DNMT1: variants seen among roughly 807,000 people sequenced by gnomAD.
DNMT1 encodes the protein DNA (cytosine-5)-methyltransferase 1.
In DNMT1, 24 loss-of-function variants were observed where a neutral mutation model predicts 205.3. The ratio of observed to expected loss-of-function variants is 0.12; its 90% CI spans 0.08 to 0.16. DNMT1 has a LOEUF of 0.16. Among genes scored for constraint, DNMT1 ranks in the 10% least tolerant of loss-of-function variants. The probability of loss-of-function intolerance (pLI) is 1.00; values close to 1 mark genes in which losing one functional copy is unlikely to be tolerated. For synonymous variants in DNMT1, 817 were observed against 839.8 expected (o/e 0.97, Z 0.47); for missense variants, 1,293 against 2,177.7 (o/e 0.59, Z 8.09).
In DNMT1 at chr19:10,167,201, T is replaced by C. The variant is rs185935149; in HGVS notation, c.804-516A>G. ...AATTGTTTTCTTTTTCTTTTTTCCT[T>C]TTTTTTTTTCTTGAGGCAGAGTCTC... On this transcript the variant is annotated intron_variant, in intron 10 of 40. Coordinates refer to ENST00000359526, the MANE Select transcript of DNMT1 (RefSeq NM_001130823.3). Among the ~76,000 whole-genome samples, 52 of 150,142 alleles carry C rather than the reference T, an allele frequency of 3.5e-4. 1 individual carries two copies. Among genetic ancestry groups the C allele is most frequent in the Admixed American group, 3.3e-3 (49 of 15,048 alleles).
chr19:10,178,624 TGC>T (rs1336591317), intron 5 of DNMT1: 1 of 152,190 alleles, frequency 6.6e-6, no homozygotes, highest in African/African-American at 2.4e-5. Context: ...AGGCGTGGTG[TGC>T]GCCTGTAGTC....
At chr19:10,186,016 T>C (rs2039172295) in intron 1 of DNMT1, among the ~76,000 whole-genome samples, 1 of 151,976 alleles carries the variant, frequency 6.6e-6, no homozygotes, top group Non-Finnish European at 1.5e-5. Context: ...GCTGTGGTAA[T>C]AGCGTTACAC....
At chr19:10,162,573 T>C (rs2038590953) in intron 13 of DNMT1, 94 bp downstream of exon 13, 1 of 1,398,894 alleles carries the variant, frequency 7.1e-7, no homozygotes, top group East Asian at 2.4e-5. Flanking sequence ...CCCAGTCTTC[T>C]TTTTCCTAAG....
At chr19:10,162,221 C>T (rs932108785) in intron 13 of DNMT1, among the ~76,000 whole-genome samples, 1 of 151,628 alleles carries the variant, frequency 6.6e-6, no homozygotes, top group African/African-American at 2.4e-5. Flanking sequence ...TCACAGCAAT[C>T]TCCGCCTCCT....
At chr19:10,135,646 CG>C (rs772512056) in intron 39 of DNMT1, 89 bp downstream of exon 39, 39 of 1,409,700 alleles carry the variant, frequency 2.8e-5, no homozygotes, top group Non-Finnish European at 3.7e-5. Context: ...GGCGTCCTCC[CG>C]GAAGTGACTG....
intron 29 of DNMT1, 63 bp downstream of exon 29, chr19:10,143,703 G>T: frequency 6.3e-7 from 1 of 1,587,036 alleles, no homozygotes; most frequent in East Asian, 2.2e-5. Context: ...CCACAACCTT[G>T]TTTCAGGCAG....
chr19:10,161,422 G>A (rs1253828825), intron 13 of DNMT1, among the ~76,000 whole-genome samples: 1 of 152,220 alleles, frequency 6.6e-6, no homozygotes, highest in Non-Finnish European at 1.5e-5. Context: ...GCCCAGGTGG[G>A]AGGACTGCTT....
intron 12 of DNMT1, chr19:10,162,964 CTTTT>C (rs397859775): frequency 0.011 from 3,736 of 348,784 alleles, no homozygotes; most frequent in Middle Eastern, 0.014. Context: ...CTAGAACAGG[CTTTT>C]TTTTTTTTTT....
intron 7 of DNMT1, 29 bp downstream of exon 7, chr19:10,175,511 G>C (rs759480882): frequency 6.2e-7 from 1 of 1,606,460 alleles, no homozygotes; most frequent in Non-Finnish European, 8.5e-7. Flanking sequence ...AGTTAAGGTA[G>C]AGTCAGGAAA....
chr19:10,193,087 G>C (rs2039332261), intron 1 of DNMT1, among the ~76,000 whole-genome samples: 1 of 152,144 alleles, frequency 6.6e-6, no homozygotes. Flanking sequence ...AGGCATGATG[G>C]CTCATACTTG....
intron 1 of DNMT1, 84 bp downstream of exon 1, chr19:10,194,736 C>CACCGGCCACCCCGAGGGGAAGCG (rs1210893292): frequency 4.0e-6 from 6 of 1,491,360 alleles, no homozygotes; most frequent in Non-Finnish European, 4.5e-6. Flanking sequence ...CAGCAGCGGC[C>CACCGGCCACCCCGAGGGGAAGCG]ACCGGCCACC....
chr19:10,140,749 G>C lies in DNMT1; in HGVS notation c.3523+32C>G, dbSNP rs1418917641. On this transcript the variant is annotated intron_variant, in intron 32 of 40. Transcript: ENST00000359526. This position sits in a 1 kb window ranked among gnomAD's most constrained non-coding sequence, Gnocchi z 8.4. ...GCACCTGCCCGGTCTGGGCTCACCA[G>C]GTATTCAGAGATGGAGCCTACGGGC... The C allele has an allele frequency of 1.2e-6, 2 of 1,613,842 alleles. No homozygotes were observed. Among genetic ancestry groups the C allele is most frequent in the East Asian group, 2.2e-5 (1 of 44,888 alleles).
intron 7 of DNMT1, among the ~76,000 whole-genome samples, chr19:10,174,681 T>G (rs1182820739): frequency 6.6e-6 from 1 of 150,946 alleles, no homozygotes; most frequent in Admixed American, 6.6e-5. Context: ...CACTCCATCC[T>G]GAGTGAAAGA....
intron 9 of DNMT1, 150 bp from the exon 10 acceptor site, chr19:10,168,514 G>T: frequency 1.3e-6 from 1 of 748,576 alleles, no homozygotes; most frequent in Non-Finnish European, 2.3e-6. Context: ...AGTAGCTCAT[G>T]CCTGTAATCT....
intron 2 of DNMT1, among the ~76,000 whole-genome samples, chr19:10,181,532 T>TA (rs61381728): frequency 6.1e-4 from 89 of 145,040 alleles, no homozygotes; most frequent in South Asian, 8.7e-4. Context: ...TGAGATTGGT[T>TA]AAAAAAAAAA....
chr19:10,162,057 G>T (rs2038580051), intron 13 of DNMT1, among the ~76,000 whole-genome samples: 1 of 151,836 alleles, frequency 6.6e-6, no homozygotes, highest in South Asian at 2.1e-4. Flanking sequence ...GTCCAGGCTG[G>T]TTTCAAACTC....
In DNMT1 at chr19:10,149,098, T is replaced by C. The variant is rs1017423886; in HGVS notation, c.2587-81A>G. 3.8e-6 allele frequency: 6 copies of C among 1,573,292 alleles called. No individual in the cohort carries two copies. In the South Asian group the frequency reaches 4.5e-5, roughly 12 times the overall value. ...CAGCACTATGGGAGGCCGAGGCGGGTGGATCACCTAAGGTCAGGAGTTCGA... is the reference window on the plus strand; with the variant it reads ...CAGCACTATGGGAGGCCGAGGCGGGCGGATCACCTAAGGTCAGGAGTTCGA... On this transcript the variant is annotated intron_variant, in intron 26 of 40. Coordinates refer to ENST00000359526, the MANE Select transcript of DNMT1 (RefSeq NM_001130823.3).
At chr19:10,172,086 A>G (rs769245478) in intron 9 of DNMT1, among the ~76,000 whole-genome samples, 14 of 151,928 alleles carry the variant, frequency 9.2e-5, no homozygotes, top group Non-Finnish European at 1.9e-4. Flanking sequence ...CTCATAACCC[A>G]CCTTCCATGT....
intron 27 of DNMT1, among the ~76,000 whole-genome samples, chr19:10,147,132 C>A (rs1201735824): frequency 6.6e-6 from 1 of 152,034 alleles, no homozygotes; most frequent in Non-Finnish European, 1.5e-5. Context: ...CAGGGTGGTG[C>A]ATGCCTGCAG....
Sources: gnomAD v4.1 joint callset for allele counts (sites outside exome capture counted in the v4.1 genomes callset) on GRCh38, gnomAD v4.1.1 for gene constraint, Gnocchi (gnomAD v3.1) non-coding constraint, MANE v1.5 for transcripts, NCBI Gene and HGNC (gene_info 2026-07-23, HGNC 2026-07-21) for gene names.